STON2: variants seen among roughly 807,000 people sequenced by gnomAD.
STON2 encodes stonin-2.
STON2 carries 29 observed loss-of-function variants against 65.7 expected under a neutral mutation model. The ratio of observed to expected loss-of-function variants is 0.44; its 90% confidence interval spans 0.33 to 0.60. The LOEUF is 0.60. Among genes scored for constraint, STON2 ranks in the 20% least tolerant of loss-of-function variants. STON2 has a pLI of 0.03. For synonymous variants in STON2, 404 were observed against 414.2 expected, an observed-to-expected ratio of 0.98 and a Z score of 0.30; for missense variants, 1,054 against 1,118.1, an observed-to-expected ratio of 0.94 and a Z score of 0.82.
chr14:81,311,985 C>T (rs1896443851), intron 5 of STON2, among the ~76,000 whole-genome samples: 1 of 152,210 alleles, frequency 6.6e-6, no homozygotes, highest in African/African-American at 2.4e-5. Flanking sequence ...CATGTCTCTT[C>T]ATCAGTAAGT....
intron 4 of STON2, among the ~76,000 whole-genome samples, chr14:81,330,925 G>A (rs558542692): frequency 6.6e-6 from 1 of 152,350 alleles, no homozygotes; most frequent in East Asian, 1.9e-4. Context: ...TGCAAGGAAG[G>A]AAGCAGAAGA....
At chr14:81,328,124 G>A (rs376035015) in intron 4 of STON2, among the ~76,000 whole-genome samples, 8 of 152,034 alleles carry the variant, frequency 5.3e-5, no homozygotes, top group East Asian at 3.9e-4. Flanking sequence ...TAGTTTCATC[G>A]CTGTCTCCCC....
At position 81,277,085 on chromosome 14, in the gene STON2, G is replaced by C. The variant is rs1394250547; in HGVS notation, c.2397C>G (p.Phe799Leu). Reference protein sequence around the residue: ...YPVPSEWVKNFRRESVLGEKS... With the variant: ...YPVPSEWVKNLRRESVLGEKS... Reference sequence around the variant, plus strand: ...TTTCCCCCAGGACACTTTCCCTGCGGAAGTTTTTCACCCACTCACTGGGCA... The same window carrying C: ...TTTCCCCCAGGACACTTTCCCTGCGCAAGTTTTTCACCCACTCACTGGGCA... Residue 799 changes from phenylalanine (F) to leucine (L), a missense_variant, in exon 6 of 8, where the codon TTC becomes TTG. Physicochemically the swap from Phe to Leu is conservative, Grantham distance 22. Coordinates refer to ENST00000614646, the MANE Select transcript of STON2 (RefSeq NM_001394390.1). 1 of 1,614,148 alleles carries C rather than the reference G, an allele frequency of 6.2e-7. No individual in the cohort carries two copies. Among genetic ancestry groups the C allele is most frequent in the East Asian group, 2.2e-5 (1 of 44,878 alleles).
At chr14:81,414,165 G>A (rs1901306691) in intron 2 of STON2, among the ~76,000 whole-genome samples, 1 of 113,476 alleles carries the variant, frequency 8.8e-6, no homozygotes, top group South Asian at 3.1e-4. Flanking sequence ...TACAGAGAAA[G>A]AGTTAGGATT....
Position 81,371,046 on chromosome 14 carries a change from C to A in STON2, c.513G>T (p.Leu171=). The A allele has an allele frequency of 6.2e-7, 1 of 1,613,788 alleles. No homozygotes were observed. Among genetic ancestry groups the A allele is most frequent in the South Asian group, 1.1e-5 (1 of 91,064 alleles). ...TCTGCTCCTCAGCATTGATGAGCTG[C>A]AGATCTGTATACGAACATCCAAAGC... ...SPSFGCSYTD[L]QLINAEEQTS... Residue 171 remains leucine (L), a synonymous_variant, in exon 4 of 8, where the codon CTG becomes CTT. Transcript: ENST00000614646.
chr14:81,393,258 A>G (rs1394949069), intron 3 of STON2, among the ~76,000 whole-genome samples: 1 of 152,240 alleles, frequency 6.6e-6, no homozygotes, highest in Non-Finnish European at 1.5e-5. Context: ...AAAATGTGAA[A>G]GAATCTGAAT....
In STON2 at chr14:81,373,417, G is replaced by T. The variant is rs530846021; in HGVS notation, c.374-2232C>A. Among the ~76,000 whole-genome samples the T allele has an allele frequency of 5.9e-5, 9 of 152,228 alleles. No individual in the cohort carries two copies. In the South Asian group the frequency reaches 1.7e-3, roughly 28 times the overall value. On this transcript the variant is annotated intron_variant, in intron 3 of 7. Coordinates refer to ENST00000614646, the MANE Select transcript of STON2 (RefSeq NM_001394390.1). ...AGCAAAGCCAAATTTATAAAAGCTTGCTATATGATGCCATTTCCTATAGTA... is the reference window on the plus strand; with the variant it reads ...AGCAAAGCCAAATTTATAAAAGCTTTCTATATGATGCCATTTCCTATAGTA...
Position 81,270,807 on chromosome 14 carries a change from T to C in STON2, c.2647A>G (p.Arg883Gly). 3 of 1,614,002 alleles carry C rather than the reference T, an allele frequency of 1.9e-6. No individual in the cohort carries two copies. The highest frequency in any genetic ancestry group is 2.5e-6 in the Non-Finnish European group (3 of 1,180,030). Reference protein sequence around the residue: ...ELGSDREVPSRFANHVNVEFS... With the variant: ...ELGSDREVPSGFANHVNVEFS... ...TCGACATTCACGTGATTGGCAAATC[T>C]GGAAGGCACTTCCCGGTCAGAGCCG... is the stretch of plus-strand genomic sequence containing the variant. The change falls in exon 7 of 8, where the codon AGA (arginine) becomes GGA (glycine). Residue 883 changes from arginine (R) to glycine (G), a missense_variant. By Grantham distance (125) the Arg-to-Gly change is moderately radical. Coordinates refer to ENST00000614646, the MANE Select transcript of STON2 (RefSeq NM_001394390.1).
intron 3 of STON2, among the ~76,000 whole-genome samples, chr14:81,387,052 T>C (rs1486774253): frequency 2.6e-5 from 4 of 152,172 alleles, no homozygotes; most frequent in Admixed American, 6.5e-5. Flanking sequence ...GGAACACTAT[T>C]GGCTAAAGGA....
intron 6 of STON2, among the ~76,000 whole-genome samples, chr14:81,272,014 G>A (rs1284897548): frequency 6.6e-6 from 1 of 152,108 alleles, no homozygotes; most frequent in African/African-American, 2.4e-5. Context: ...ACGAGGTCAG[G>A]AGATCGAGAC....
intron 4 of STON2, among the ~76,000 whole-genome samples, chr14:81,339,553 T>C (rs1032902105): frequency 6.6e-6 from 1 of 152,186 alleles, no homozygotes; most frequent in African/African-American, 2.4e-5. Context: ...AGCACTTGAT[T>C]ACCAGACTAC....
At chr14:81,317,142 G>A (rs1421638787) in intron 5 of STON2, among the ~76,000 whole-genome samples, 1 of 152,220 alleles carries the variant, frequency 6.6e-6, no homozygotes, top group African/African-American at 2.4e-5. Context: ...GGGTGGGAAG[G>A]TGAAGGGGGA....
chr14:81,394,140 G>C (rs897808890), intron 3 of STON2, among the ~76,000 whole-genome samples: 3 of 151,824 alleles, frequency 2.0e-5, no homozygotes, highest in African/African-American at 7.3e-5. Context: ...GCAGTGAGCT[G>C]AGATTGCACC....
intron 3 of STON2, among the ~76,000 whole-genome samples, chr14:81,391,543 C>G (rs1354858263): frequency 1.3e-5 from 2 of 152,094 alleles, no homozygotes; most frequent in Non-Finnish European, 2.9e-5. Context: ...TGGGAGGAAA[C>G]CCAAGAGGGA....
At chr14:81,399,865 G>T (rs1286869235) in intron 1 of STON2, among the ~76,000 whole-genome samples, 1 of 152,046 alleles carries the variant, frequency 6.6e-6, no homozygotes, top group Non-Finnish European at 1.5e-5. Flanking sequence ...CAGCACAGTG[G>T]CTGACTTTTC....
intron 5 of STON2, among the ~76,000 whole-genome samples, chr14:81,305,155 G>A (rs1896122392): frequency 6.6e-6 from 1 of 152,212 alleles, no homozygotes; most frequent in Admixed American, 6.5e-5. Flanking sequence ...GTGTGAATGT[G>A]ACACAATTTA....
chr14:81,381,999 T>C (rs1221510709), intron 3 of STON2, among the ~76,000 whole-genome samples: 1 of 151,994 alleles, frequency 6.6e-6, no homozygotes, highest in East Asian at 1.9e-4. Context: ...ACAGGCGGAT[T>C]ACGAGGTCAG....
chr14:81,319,652 T>C (rs1016831653), intron 5 of STON2, among the ~76,000 whole-genome samples: 2 of 152,208 alleles, frequency 1.3e-5, no homozygotes, highest in African/African-American at 2.4e-5. Flanking sequence ...GACAAGACCA[T>C]TGAATTATTG....
At chr14:81,425,892 AT>A (rs964034067) in intron 2 of STON2, among the ~76,000 whole-genome samples, 1 of 151,990 alleles carries the variant, frequency 6.6e-6, no homozygotes, top group Non-Finnish European at 1.5e-5. Flanking sequence ...CTCTTTTATT[AT>A]TTTTTTTAAA....
Sources: allele counts gnomAD v4.1 joint callset (sites outside exome capture counted in the v4.1 genomes callset), GRCh38; gene constraint gnomAD v4.1.1; transcripts MANE v1.5; gene names NCBI Gene and HGNC (gene_info 2026-07-23, HGNC 2026-07-21).